SHANK2: variants seen among roughly 807,000 people sequenced by gnomAD.
The protein encoded by SHANK2 is SH3 and multiple ankyrin repeat domains protein 2.
A neutral mutation model predicts 133.7 loss-of-function variants in SHANK2; 43 were observed. The observed-to-expected ratio is 0.32, with a 90% confidence interval of 0.25 to 0.41. The LOEUF is 0.41. Among genes scored for constraint, SHANK2 ranks in the 10% least tolerant of loss-of-function variants. SHANK2 has a pLI of 1.00. For missense variants in SHANK2, 1,994 were observed against 2,235.8 expected, an observed-to-expected ratio of 0.89 and a Z score of 2.18; for synonymous variants, 1,017 against 952.8, an observed-to-expected ratio of 1.07 and a Z score of -1.24.
At chr11:70,940,201 G>T (rs12798218) in intron 10 of SHANK2, among the ~76,000 whole-genome samples, 5 of 5,600 alleles carry the variant, frequency 8.9e-4, no homozygotes, top group Non-Finnish European at 1.3e-3. Flanking sequence ...CTTCCTTCCT[G>T]CCTTCCTCCT....
At position 71,182,955 on chromosome 11, in the gene SHANK2, A is replaced by T. The variant is rs555552177; in HGVS notation, c.-12-35617T>A. Among the ~76,000 whole-genome samples, 10 of 152,234 alleles carry T rather than the reference A, an allele frequency of 6.6e-5. No individual in the cohort carries two copies. In the South Asian group the frequency reaches 2.1e-3, roughly 32 times the overall value. ...TCAGGGCTCAGTAAACCAGCACGAA[A>T]ACCCTGAGGCTCTGTCTAGTGCTAC... On this transcript the variant is annotated intron_variant, in intron 2 of 25. Coordinates refer to ENST00000601538, the MANE Select transcript of SHANK2 (RefSeq NM_012309.5).
At chr11:70,616,598 T>C (rs2060745204) in intron 17 of SHANK2, among the ~76,000 whole-genome samples, 1 of 152,200 alleles carries the variant, frequency 6.6e-6, no homozygotes, top group Admixed American at 6.5e-5. Flanking sequence ...ACCAGGTCCC[T>C]GGTGCCCAGT....
intron 1 of SHANK2, among the ~76,000 whole-genome samples, chr11:71,242,873 C>T (rs1489520898): frequency 6.6e-6 from 1 of 152,214 alleles, no homozygotes; most frequent in East Asian, 1.9e-4. Flanking sequence ...TGAAATTATA[C>T]AAATAATGTT....
At chr11:70,685,840 T>C (rs1260108299) in intron 15 of SHANK2, among the ~76,000 whole-genome samples, 1 of 152,152 alleles carries the variant, frequency 6.6e-6, no homozygotes, top group Non-Finnish European at 1.5e-5. Flanking sequence ...TATTGAGTGC[T>C]GACAATGTAC....
chr11:70,951,118 C>T (rs962928602), intron 10 of SHANK2: 42 of 336,592 alleles, frequency 1.2e-4, no homozygotes, highest in Non-Finnish European at 2.0e-4. Context: ...TGCACCATGA[C>T]GTCATAAATT....
At chr11:70,791,143 G>C (rs1260223239) in intron 14 of SHANK2, among the ~76,000 whole-genome samples, 2 of 152,164 alleles carry the variant, frequency 1.3e-5, no homozygotes, top group Non-Finnish European at 2.9e-5. Context: ...AATACAAATG[G>C]GTGGAAAGCT....
At chr11:70,558,071 C>T (rs1463700905) in intron 17 of SHANK2, among the ~76,000 whole-genome samples, 2 of 152,194 alleles carry the variant, frequency 1.3e-5, no homozygotes, top group Admixed American at 6.5e-5. Context: ...TGAGGGGGCC[C>T]GGGGTCCATG....
At chr11:71,239,831 T>C (rs902638788) in intron 1 of SHANK2, among the ~76,000 whole-genome samples, 3 of 152,148 alleles carry the variant, frequency 2.0e-5, no homozygotes, top group African/African-American at 7.2e-5. Flanking sequence ...GGATGGTCTG[T>C]GACCTCAGAG....
chr11:70,772,192 C>CGTG (rs1318436731), intron 14 of SHANK2, among the ~76,000 whole-genome samples: 1 of 152,138 alleles, frequency 6.6e-6, no homozygotes, highest in African/African-American at 2.4e-5. Flanking sequence ...GAAATCCTAG[C>CGTG]ACTTTGGGAG....
chr11:70,810,750 T>C (rs1303341145), intron 12 of SHANK2, among the ~76,000 whole-genome samples: 1 of 152,166 alleles, frequency 6.6e-6, no homozygotes, highest in Non-Finnish European at 1.5e-5. Flanking sequence ...CCACCTGTGG[T>C]TGCTGGGAGA....
chr11:70,483,919 T>G (rs1322282345), intron 25 of SHANK2, among the ~76,000 whole-genome samples: 4 of 152,140 alleles, frequency 2.6e-5, no homozygotes, highest in African/African-American at 9.7e-5. Flanking sequence ...GAAAAATAAC[T>G]GGGAAAATTG....
intron 11 of SHANK2, among the ~76,000 whole-genome samples, chr11:70,885,020 C>T (rs1400185925): frequency 2.6e-5 from 4 of 152,258 alleles, no homozygotes; most frequent in Admixed American, 1.3e-4. Flanking sequence ...TGCGCCCAGC[C>T]AGGGGTCTTT....
intron 11 of SHANK2, among the ~76,000 whole-genome samples, chr11:70,825,447 G>C (rs572613584): frequency 6.6e-6 from 1 of 152,190 alleles, no homozygotes; most frequent in South Asian, 2.1e-4. Context: ...CACATGGGGA[G>C]GCCACCCTTG....
intron 11 of SHANK2, among the ~76,000 whole-genome samples, chr11:70,860,086 C>T (rs560092041): frequency 6.2e-4 from 94 of 152,334 alleles, no homozygotes; most frequent in African/African-American, 2.1e-3. Flanking sequence ...CCCCCAACAT[C>T]CGACCCTGTC....
chr11:71,173,980 G>C (rs1196470929), intron 2 of SHANK2, among the ~76,000 whole-genome samples: 1 of 152,212 alleles, frequency 6.6e-6, no homozygotes, highest in East Asian at 1.9e-4. Context: ...CAGAACTGTG[G>C]GAGTAAGTTT....
chr11:71,140,431 G>C (rs1291665576), intron 3 of SHANK2, among the ~76,000 whole-genome samples: 1 of 152,192 alleles, frequency 6.6e-6, no homozygotes, highest in Non-Finnish European at 1.5e-5. Flanking sequence ...CCCTGCAAGG[G>C]GAAGATTACC....
At chr11:70,520,899 A>G (rs1319684308) in intron 17 of SHANK2, among the ~76,000 whole-genome samples, 2 of 152,142 alleles carry the variant, frequency 1.3e-5, no homozygotes, top group African/African-American at 4.8e-5. Context: ...GATTTGCTCC[A>G]GCCTTTTGTT....
intron 17 of SHANK2, among the ~76,000 whole-genome samples, chr11:70,544,741 C>A (rs925878137): frequency 5.9e-5 from 9 of 152,236 alleles, no homozygotes; most frequent in African/African-American, 2.2e-4. Context: ...CTGCTGTGAC[C>A]TGAAACCGCA....
At chr11:70,622,178 G>A (rs1286896976) in intron 17 of SHANK2, among the ~76,000 whole-genome samples, 1 of 152,122 alleles carries the variant, frequency 6.6e-6, no homozygotes, top group Admixed American at 6.5e-5. Flanking sequence ...AACCCAGCAG[G>A]ATGTCCAATG....
Sources: allele counts gnomAD v4.1 joint callset (sites outside exome capture counted in the v4.1 genomes callset), GRCh38; gene constraint gnomAD v4.1.1; transcripts MANE v1.5; gene names NCBI Gene and HGNC (gene_info 2026-07-23, HGNC 2026-07-21).